Variants in FARP1 observed in about 807,000 individuals in gnomAD.
The protein encoded by FARP1 is FERM, ARHGEF and pleckstrin domain-containing protein 1.
A neutral mutation model predicts 128.8 loss-of-function variants in FARP1; 52 were observed. The observed-to-expected ratio is 0.40, with a 90% CI of 0.32 to 0.51. The LOEUF is 0.51. Among genes scored for constraint, FARP1 ranks in the 20% least tolerant of loss-of-function variants. FARP1 has a pLI of 0.45. For missense variants in FARP1, 1,333 were observed against 1,367.9 expected (o/e 0.97, Z 0.40); for synonymous variants, 580 against 551.8 (o/e 1.05, Z -0.72).
At position 98,452,932 on chromosome 13, in the gene FARP1, T is replaced by TAATAA. The variant is rs913278491; in HGVS notation, c.*4629_*4633dup. 2.3e-6 allele frequency: 1 copy of TAATAA among 432,884 alleles called. No homozygotes were observed. The highest frequency in any genetic ancestry group is 2.0e-5 in the African/African-American group (1 of 49,074). 26.8% of individuals were successfully genotyped at this position (432,884 alleles called of 1,614,324 possible). A position where few individuals can be genotyped will look rare whatever the true frequency, so the allele number is the denominator to read the frequency against. On this transcript the variant is annotated 3_prime_UTR_variant, in exon 27 of 27. Coordinates refer to ENST00000319562, the MANE Select transcript of FARP1 (RefSeq NM_005766.4). ...CTATGGTTAAAATTAAAAACAAAAG[T>TAATAA]AATAAAATAAAATAAAATGATCGCT...
At chr13:98,424,691 G>A (rs772482780) in intron 17 of FARP1, 41 bp downstream of exon 17, 1 of 1,419,032 alleles carries the variant, frequency 7.0e-7, no homozygotes, top group Non-Finnish European at 1.0e-6. Context: ...GTTCACCAAG[G>A]AGAATCGAGC....
chr13:98,363,944 G>A lies in FARP1; in HGVS notation c.277-1451G>A, dbSNP rs551105307. Among the ~76,000 whole-genome samples the A allele has an allele frequency of 2.6e-5, 4 of 152,226 alleles. No homozygotes were observed. The East Asian group carries it at 7.7e-4, about 29-fold the overall frequency. ...TGTAGTACAGATGGGGTTTCACCAC[G>A]TTGGCTAGGCTGGTCTCGAACTCCT... On this transcript the variant is annotated intron_variant, in intron 3 of 26. Transcript: ENST00000319562.
At chr13:98,257,961 G>A (rs773399383) in intron 2 of FARP1, among the ~76,000 whole-genome samples, 12 of 151,980 alleles carry the variant, frequency 7.9e-5, no homozygotes, top group Non-Finnish European at 1.6e-4. Flanking sequence ...ACATCATGTC[G>A]TACACCATTG....
intron 11 of FARP1, among the ~76,000 whole-genome samples, chr13:98,391,863 C>T (rs778786933): frequency 2.6e-5 from 4 of 152,162 alleles, no homozygotes; most frequent in African/African-American, 4.8e-5. Context: ...GGTAAAGGAG[C>T]GGAGGATAGG....
chr13:98,349,622 G>T (rs1888320696), intron 3 of FARP1, among the ~76,000 whole-genome samples: 1 of 129,196 alleles, frequency 7.7e-6, no homozygotes, highest in Non-Finnish European at 1.5e-5. Context: ...AGTGAGCCGA[G>T]ATCGCACCAC....
chr13:98,299,429 C>T (rs766924269), intron 2 of FARP1, among the ~76,000 whole-genome samples: 6 of 152,198 alleles, frequency 3.9e-5, no homozygotes, highest in Non-Finnish European at 7.3e-5. Context: ...TGTATGAACA[C>T]GTAGGGGCTG....
intron 1 of FARP1, among the ~76,000 whole-genome samples, chr13:98,194,845 G>A (rs1224810682): frequency 6.6e-6 from 1 of 152,184 alleles, no homozygotes; most frequent in East Asian, 1.9e-4. Context: ...CCTAGTGTAT[G>A]TAACCATCAG....
At chr13:98,190,842 C>G (rs1038370025) in intron 1 of FARP1, among the ~76,000 whole-genome samples, 3 of 151,930 alleles carry the variant, frequency 2.0e-5, no homozygotes, top group African/African-American at 7.3e-5. Flanking sequence ...CCAACATGCC[C>G]AGCCTCATAT....
At chr13:98,145,385 G>A (rs759206713) in intron 1 of FARP1, among the ~76,000 whole-genome samples, 2 of 152,138 alleles carry the variant, frequency 1.3e-5, no homozygotes, top group Non-Finnish European at 2.9e-5. Flanking sequence ...TCCTTTAATT[G>A]ATACAGGGAT....
intron 24 of FARP1, among the ~76,000 whole-genome samples, chr13:98,442,650 G>A (rs1290018039): frequency 1.3e-5 from 2 of 152,182 alleles, no homozygotes; most frequent in East Asian, 3.9e-4. Flanking sequence ...AAAGCTTGCG[G>A]GTCTGAGACT....
chr13:98,434,077 T>C (rs1437928657), intron 18 of FARP1: 1 of 152,272 alleles, frequency 6.6e-6, no homozygotes, highest in Non-Finnish European at 1.5e-5. Flanking sequence ...GGAGATAGGC[T>C]ATCCTTGATG....
chr13:98,415,063 C>G (rs753489045), intron 16 of FARP1, among the ~76,000 whole-genome samples: 1 of 152,162 alleles, frequency 6.6e-6, no homozygotes, highest in African/African-American at 2.4e-5. Context: ...AGGTCAGGAG[C>G]TCCTTCATCT....
intron 2 of FARP1, among the ~76,000 whole-genome samples, chr13:98,243,833 C>A (rs989852106): frequency 7.9e-5 from 12 of 151,402 alleles, no homozygotes; most frequent in Non-Finnish European, 5.9e-5. Flanking sequence ...ACCTAAAGTT[C>A]AATTCACTGT....
At chr13:98,285,533 C>T (rs1177342141) in intron 2 of FARP1, among the ~76,000 whole-genome samples, 1 of 152,200 alleles carries the variant, frequency 6.6e-6, no homozygotes, top group Non-Finnish European at 1.5e-5. Context: ...TTCCTGTAAT[C>T]TGCTGCCTTG....
intron 2 of FARP1, among the ~76,000 whole-genome samples, chr13:98,238,905 A>G (rs959836045): frequency 2.0e-4 from 31 of 151,964 alleles, no homozygotes; most frequent in Admixed American, 1.4e-3. Context: ...CTGTGCGCCA[A>G]CCCCCACATT....
chr13:98,409,278 A>G, intron 13 of FARP1, 60 bp from the exon 14 acceptor site: 1 of 1,354,044 alleles, frequency 7.4e-7, no homozygotes, highest in Non-Finnish European at 1.0e-6. Flanking sequence ...TAGTGAATAG[A>G]AATCAGGTCC....
At chr13:98,242,997 A>C (rs751888039) in intron 2 of FARP1, among the ~76,000 whole-genome samples, 1 of 152,202 alleles carries the variant, frequency 6.6e-6, no homozygotes, top group Non-Finnish European at 1.5e-5. Flanking sequence ...TTCTGCCCCA[A>C]GACCTACTGT....
chr13:98,396,357 T>C (rs1248913296), intron 13 of FARP1: 2 of 398,798 alleles, frequency 5.0e-6, no homozygotes, highest in Non-Finnish European at 8.8e-6. Flanking sequence ...TCCCCGGGAG[T>C]CAGCCCCTCA....
At chr13:98,442,729 C>T (rs370673515) in intron 24 of FARP1, among the ~76,000 whole-genome samples, 12 of 152,334 alleles carry the variant, frequency 7.9e-5, no homozygotes, top group East Asian at 3.9e-4. Flanking sequence ...GGGAAGAACC[C>T]GTGATAGGCT....
Sources: allele counts gnomAD v4.1 joint callset (sites outside exome capture counted in the v4.1 genomes callset), GRCh38; gene constraint gnomAD v4.1.1; transcripts MANE v1.5; gene names NCBI Gene and HGNC (gene_info 2026-07-23, HGNC 2026-07-21).